Variants in IKZF1 observed in about 807,000 individuals in gnomAD.
IKZF1 encodes the protein DNA-binding protein Ikaros.
IKZF1 carries 10 observed loss-of-function variants against 51.7 expected under a neutral mutation model. The observed-to-expected ratio is 0.19, with a 90% CI of 0.12 to 0.33. The LOEUF is 0.33. Among genes scored for constraint, IKZF1 ranks in the 10% least tolerant of loss-of-function variants. The probability of loss-of-function intolerance (pLI) is 1.00; values close to 1 mark genes in which losing one functional copy is unlikely to be tolerated. For synonymous variants in IKZF1, 280 were observed against 282.3 expected, an observed-to-expected ratio of 0.99 and a Z score of 0.08; for missense variants, 484 against 707.5, an observed-to-expected ratio of 0.68 and a Z score of 3.58.
chr7:50,389,536 T>A (rs1814431712), intron 6 of IKZF1, among the ~76,000 whole-genome samples: 1 of 152,212 alleles, frequency 6.6e-6, no homozygotes, highest in Non-Finnish European at 1.5e-5. Context: ...AGTGGTCTGG[T>A]CTCAGTGTGG....
rs1194146285 is a variant in IKZF1 at position 50,400,961 on chromosome 7, T to C, written c.*334T>C. 2 of 421,382 alleles carry C rather than the reference T, an allele frequency of 4.7e-6. No individual in the cohort carries two copies. The highest frequency in any genetic ancestry group is 8.6e-6 in the Non-Finnish European group (2 of 231,990). 26.1% of individuals were successfully genotyped at this position (421,382 alleles called of 1,614,324 possible). ...ATTAGTCTAAATTTTCAGAGAGAAA[T>C]AGATAAAACACGCCACAGCCTGGGA... On this transcript the variant is annotated 3_prime_UTR_variant, in exon 8 of 8. Transcript: ENST00000331340. This position sits in a 1 kb window ranked among gnomAD's most constrained non-coding sequence, Gnocchi z 5.4.
chr7:50,397,843 G>A lies in IKZF1; in HGVS notation c.851-2075G>A, dbSNP rs538379791. On this transcript the variant is annotated intron_variant, in intron 7 of 7. Coordinates refer to ENST00000331340, the MANE Select transcript of IKZF1 (RefSeq NM_006060.6). ...CATCCTGTTCTGTTTCTGGGAGGGC[G>A]TAACTGGCCATGCACAAGTTTTTTT... 8.5e-5 allele frequency among the ~76,000 whole-genome samples: 13 copies of A among 152,260 alleles called. No individual in the cohort carries two copies. The East Asian group carries it at 9.6e-4, about 11-fold the overall frequency.
At chr7:50,379,392 T>A (rs1256262737) in intron 4 of IKZF1, among the ~76,000 whole-genome samples, 1 of 152,100 alleles carries the variant, frequency 6.6e-6, no homozygotes, top group African/African-American at 2.4e-5. Flanking sequence ...TCTGCCCATA[T>A]CCCCACGTTG....
At chr7:50,309,514 A>G (rs937138270) in intron 1 of IKZF1, among the ~76,000 whole-genome samples, 12 of 152,276 alleles carry the variant, frequency 7.9e-5, no homozygotes, top group Non-Finnish European at 1.8e-4. Context: ...ACAGACTGCC[A>G]AAACACTAAG....
chr7:50,391,594 G>A, intron 6 of IKZF1, 135 bp from the exon 7 acceptor site: 1 of 1,324,302 alleles, frequency 7.6e-7, no homozygotes, highest in Non-Finnish European at 1.0e-6. Context: ...AAGTGTTGCT[G>A]GGAAGATTAG....
chr7:50,393,001 C>T (rs537055604), intron 7 of IKZF1, among the ~76,000 whole-genome samples: 20 of 152,152 alleles, frequency 1.3e-4, no homozygotes, highest in African/African-American at 3.6e-4. Context: ...GCCAGGTGAG[C>T]GAGGGACCCT....
intron 2 of IKZF1, among the ~76,000 whole-genome samples, chr7:50,320,829 G>A (rs549293813): frequency 2.6e-4 from 39 of 152,308 alleles, no homozygotes; most frequent in African/African-American, 8.9e-4. Flanking sequence ...ACTTACCTTA[G>A]AGGTATATTC....
chr7:50,373,537 A>G (rs1443057356), intron 3 of IKZF1, among the ~76,000 whole-genome samples: 3 of 152,214 alleles, frequency 2.0e-5, no homozygotes, highest in Non-Finnish European at 2.9e-5. Flanking sequence ...CCTCGGAAGC[A>G]CTAGGCCTAC....
At position 50,324,672 on chromosome 7, in the gene IKZF1, A is replaced by T. The variant is rs192401324; in HGVS notation, c.41-2966A>T. Reference sequence around the variant, plus strand: ...AGTTCAGTGCAGGAACTGAAGGCAGATGTAATTCTTAAGAAGCGTACCTGT... The same window carrying T: ...AGTTCAGTGCAGGAACTGAAGGCAGTTGTAATTCTTAAGAAGCGTACCTGT... On this transcript the variant is annotated intron_variant, in intron 2 of 7. Transcript: ENST00000331340. 2.1e-3 allele frequency among the ~76,000 whole-genome samples: 326 copies of T among 152,354 alleles called. 1 individual carries two copies. Among genetic ancestry groups the T allele is most frequent in the African/African-American group, 7.4e-3 (309 of 41,576 alleles).
intron 7 of IKZF1, among the ~76,000 whole-genome samples, chr7:50,396,358 A>C (rs1056655760): frequency 2.6e-5 from 4 of 152,220 alleles, no homozygotes; most frequent in African/African-American, 9.6e-5. Context: ...TAATCCATGC[A>C]TTAATTTTAT....
chr7:50,373,217 G>A (rs954263468), intron 3 of IKZF1, among the ~76,000 whole-genome samples: 3 of 152,218 alleles, frequency 2.0e-5, no homozygotes, highest in Non-Finnish European at 4.4e-5. Flanking sequence ...CGGTGTTCCT[G>A]AAGCCAGAAA....
At position 50,362,867 on chromosome 7, in the gene IKZF1, A is replaced by C. The variant is rs985997446; in HGVS notation, c.161-13666A>C. On this transcript the variant is annotated intron_variant, in intron 3 of 7. Coordinates refer to ENST00000331340, the MANE Select transcript of IKZF1 (RefSeq NM_006060.6). ...CCTGAAAGCAAGGTCCCCATGATGC[A>C]AGCAAACAAACTCACATGCCAGACG... Among the ~76,000 whole-genome samples, 4 of 152,294 alleles carry C rather than the reference A, an allele frequency of 2.6e-5. No individual in the cohort carries two copies. In the South Asian group the frequency reaches 8.3e-4, roughly 32 times the overall value.
At chr7:50,357,387 C>A (rs576028207) in intron 3 of IKZF1, among the ~76,000 whole-genome samples, 20 of 126,634 alleles carry the variant, frequency 1.6e-4, no homozygotes, top group African/African-American at 5.8e-4. Flanking sequence ...CCTGCTGTAG[C>A]CCCCCACCTC....
chr7:50,322,759 A>C (rs892323963), intron 2 of IKZF1, among the ~76,000 whole-genome samples: 2 of 152,184 alleles, frequency 1.3e-5, no homozygotes, highest in South Asian at 4.1e-4. Context: ...GAACTGAGAG[A>C]TCTGCATCAG....
At chr7:50,393,963 T>C in intron 7 of IKZF1, 1 of 232,600 alleles carries the variant, frequency 4.3e-6, no homozygotes, top group Non-Finnish European at 8.5e-6. Context: ...TTTTAGCTTT[T>C]GGAGACTTGA....
chr7:50,335,204 G>A (rs971732484), intron 3 of IKZF1, among the ~76,000 whole-genome samples: 2 of 149,730 alleles, frequency 1.3e-5, no homozygotes, highest in African/African-American at 4.9e-5. Context: ...GTGTGGATAT[G>A]TATATGGGAT....
chr7:50,327,392 G>T, intron 2 of IKZF1: 1 of 354,502 alleles, frequency 2.8e-6, no homozygotes. Context: ...TTTTAAGAGT[G>T]GCAGTGTCTG....
chr7:50,317,283 G>A (rs888210561), intron 1 of IKZF1, among the ~76,000 whole-genome samples: 18 of 152,318 alleles, frequency 1.2e-4, no homozygotes, highest in Admixed American at 5.2e-4. Context: ...GATAGGCCGC[G>A]CTAAAATACT....
At chr7:50,390,882 C>T (rs760633426) in intron 6 of IKZF1, among the ~76,000 whole-genome samples, 5 of 152,158 alleles carry the variant, frequency 3.3e-5, no homozygotes, top group South Asian at 2.1e-4. Context: ...ATGAAATATC[C>T]GAGGCAGGAG....
Sources: gnomAD v4.1 joint callset for allele counts (sites outside exome capture counted in the v4.1 genomes callset) on GRCh38, gnomAD v4.1.1 for gene constraint, Gnocchi (gnomAD v3.1) non-coding constraint, MANE v1.5 for transcripts, NCBI Gene and HGNC (gene_info 2026-07-23, HGNC 2026-07-21) for gene names.